Variants in TTF1 observed in about 807,000 individuals in gnomAD.
TTF1 encodes transcription termination factor 1, also known as transcription termination factor, RNA polymerase I.
In TTF1, 64 loss-of-function variants were observed where a neutral mutation model predicts 80.2. The observed-to-expected ratio is 0.80, with a 90% CI of 0.65 to 0.98. The LOEUF (loss-of-function observed/expected upper bound fraction) is 0.98. Ranked by LOEUF, TTF1 falls within the 50% of genes least tolerant of loss-of-function variation. The pLI, the probability that TTF1 is intolerant of heterozygous loss-of-function variation, is 0.00. For missense variants in TTF1, 1,023 were observed against 1,086.2 expected (o/e 0.94, Z 0.82); for synonymous variants, 372 against 382.7 (o/e 0.97, Z 0.33).
chr9:132,402,568 T>C lies in TTF1; in HGVS notation c.254A>G (p.Lys85Arg), dbSNP rs376860857. Residue 85 changes from lysine (K) to arginine (R), a missense_variant, in exon 2 of 11, where the codon AAG (lysine) becomes AGG (arginine). By Grantham distance (26) the Lys-to-Arg change is conservative. Coordinates refer to ENST00000334270, the MANE Select transcript of TTF1 (RefSeq NM_007344.4). ...AGCACTATATCTTCTCTTTTTTCTC[T>C]TTTTGAGTGTGGAAGTGGCATTTGC... ...ETANATSTLK[K>R]RKKRRYSALE... 4 of 1,614,208 alleles carry C rather than the reference T, an allele frequency of 2.5e-6. No homozygotes were observed. The highest frequency in any genetic ancestry group is 1.3e-5 in the African/African-American group (1 of 75,054).
At chr9:132,393,883 G>T (rs1849601843) in intron 5 of TTF1, among the ~76,000 whole-genome samples, 1 of 151,724 alleles carries the variant, frequency 6.6e-6, no homozygotes, top group Admixed American at 6.6e-5. Context: ...AGGAATGGTG[G>T]TTTATGTCAT....
chr9:132,380,752 T>C (rs1849358005), intron 9 of TTF1, among the ~76,000 whole-genome samples: 1 of 152,236 alleles, frequency 6.6e-6, no homozygotes, highest in Non-Finnish European at 1.5e-5. Flanking sequence ...ATTTTTACCA[T>C]TTTGTTATTA....
At position 132,387,060 on chromosome 9, in the gene TTF1, C is replaced by A. The variant is rs542705503; in HGVS notation, c.2313-439G>T. On this transcript the variant is annotated intron_variant, in intron 8 of 10. Coordinates refer to ENST00000334270, the MANE Select transcript of TTF1 (RefSeq NM_007344.4). ...GCAGCCTCGACCACCTGGACTCAGG[C>A]AACTCTCCCACCTCAGCCTCTCAAG... Among the ~76,000 whole-genome samples, 42 of 152,254 alleles carry A rather than the reference C, an allele frequency of 2.8e-4. No individual in the cohort carries two copies. In the South Asian group the frequency reaches 8.7e-3, roughly 32 times the overall value.
intron 3 of TTF1, among the ~76,000 whole-genome samples, chr9:132,398,868 G>A (rs1849705421): frequency 6.6e-6 from 1 of 152,186 alleles, no homozygotes; most frequent in African/African-American, 2.4e-5. Flanking sequence ...GGGATTACAG[G>A]TGTGAGCCAC....
In TTF1 at chr9:132,375,910, T is replaced by C. The variant is rs1412437762; in HGVS notation, c.*5A>G. 2.6e-6 allele frequency: 4 copies of C among 1,543,758 alleles called. No individual in the cohort carries two copies. In the African/African-American group the frequency reaches 5.4e-5, roughly 21 times the overall value. On this transcript the variant is annotated 3_prime_UTR_variant, in exon 11 of 11. Coordinates refer to ENST00000334270, the MANE Select transcript of TTF1 (RefSeq NM_007344.4). The stretch of plus-strand genomic sequence containing the variant: ...GTTGGTCAGGCCGGTCTCGAACTCC[T>C]GACCTCAGATGATCCACCGGCCTTG...
In TTF1 at chr9:132,402,255, C is replaced by T; in HGVS notation, c.567G>A (p.Gln189=). The T allele has an allele frequency of 6.2e-7, 1 of 1,614,180 alleles. No individual in the cohort carries two copies. Among genetic ancestry groups the T allele is most frequent in the Non-Finnish European group, 8.5e-7 (1 of 1,180,030 alleles). ...AGGACTCCTCCTGGTGGGATTCTGACTGAGGCAGGGTGTCCCTTGCCCGCT... is the reference window on the plus strand; with the variant it reads ...AGGACTCCTCCTGGTGGGATTCTGATTGAGGCAGGGTGTCCCTTGCCCGCT... ...ESQRARDTLP[Q]SESHQEESWL... The change falls in exon 2 of 11, where the codon CAG becomes CAA. Residue 189 remains glutamine (Q), a synonymous_variant. Transcript: ENST00000334270.
At chr9:132,395,900 T>A (rs973306643) in intron 5 of TTF1, among the ~76,000 whole-genome samples, 18 of 152,232 alleles carry the variant, frequency 1.2e-4, no homozygotes, top group African/African-American at 2.2e-4. Context: ...GGTTTGTTTT[T>A]AAATGTGTTG....
chr9:132,377,510 GGTGTGAGTGCATGCATGTA>G lies in TTF1; in HGVS notation c.2465-1361_2465-1343del, dbSNP rs1179241857. On this transcript the variant is annotated intron_variant, in intron 10 of 10. Transcript: ENST00000334270. Reference sequence around the variant, plus strand: ...GTGGTGTGTGTGAGTGCATGCATGTGGTGTGAGTGCATGCATGTAGTGTGAGTGCATGTGGTGTGTGTGT... The same window carrying G: ...GTGGTGTGTGTGAGTGCATGCATGTGGTGTGAGTGCATGTGGTGTGTGTGT... Among the ~76,000 whole-genome samples the G allele has an allele frequency of 5.1e-3, 569 of 112,532 alleles. 20 individuals are homozygous for G. The highest frequency in any genetic ancestry group is 0.019 in the African/African-American group (531 of 28,614). 73.8% of individuals were successfully genotyped at this position (112,532 alleles called of 152,430 possible). A position where few individuals can be genotyped will look rare whatever the true frequency, so the allele number is the denominator to read the frequency against.
In TTF1 at chr9:132,384,845, G is replaced by A. The variant is rs777802994; in HGVS notation, c.2378+1711C>T. Among the ~76,000 whole-genome samples, 11 of 152,172 alleles carry A rather than the reference G, an allele frequency of 7.2e-5. No homozygotes were observed. In the East Asian group the frequency reaches 1.2e-3, roughly 16 times the overall value. ...CTAATTTTTGTATTTTTGTAGAGAC[G>A]GAGTTGAACCATGTTGGCCAGGCTG... On this transcript the variant is annotated intron_variant, in intron 9 of 10. Transcript: ENST00000334270. The surrounding 1 kb of genome is among the most constrained non-coding windows in gnomAD (Gnocchi z 4.1).
In TTF1 at chr9:132,390,595, A is replaced by G. The variant is rs754096167; in HGVS notation, c.2222+2T>C. On this transcript the variant is annotated splice_donor_variant, in intron 7 of 10. Transcript: ENST00000334270. LOFTEE classifies it high-confidence loss of function. ...CAGAGAAAGAGAGAGGGAAGAACTTACCACTTACTTTTACACTGCATCCAA... is the reference window on the plus strand; with the variant it reads ...CAGAGAAAGAGAGAGGGAAGAACTTGCCACTTACTTTTACACTGCATCCAA... The G allele has an allele frequency of 6.8e-6, 11 of 1,613,118 alleles. No individual in the cohort carries two copies. The highest frequency in any genetic ancestry group is 9.3e-6 in the Non-Finnish European group (11 of 1,179,198).
intron 5 of TTF1, among the ~76,000 whole-genome samples, chr9:132,392,590 G>A (rs1452959987): frequency 2.0e-5 from 2 of 100,046 alleles, no homozygotes; most frequent in Non-Finnish European, 1.9e-5. Context: ...TGAAGTCCCC[G>A]TTGATTGCTC....
rs1017711670 is a variant in TTF1, at chr9:132,384,715, G to C, written c.2378+1841C>G. ...TCTGTTGCCCAGGCTGGAGTGCAAT[G>C]GCATGATCTCGGCTTACTGCAACCT... is the stretch of plus-strand genomic sequence containing the variant. On this transcript the variant is annotated intron_variant, in intron 9 of 10. Coordinates refer to ENST00000334270, the MANE Select transcript of TTF1 (RefSeq NM_007344.4). The surrounding 1 kb of genome is among the most constrained non-coding windows in gnomAD (Gnocchi z 4.1). Among the ~76,000 whole-genome samples the C allele has an allele frequency of 6.6e-6, 1 of 152,156 alleles. No individual in the cohort carries two copies. Among genetic ancestry groups the C allele is most frequent in the African/African-American group, 2.4e-5 (1 of 41,438 alleles).
Position 132,377,318 on chromosome 9 carries a change from GGT to G in TTF1, c.2465-1152_2465-1151del, listed in dbSNP as rs200984680. Among the ~76,000 whole-genome samples the G allele has an allele frequency of 1.8e-3, 249 of 140,078 alleles. 2 individuals carry two copies. Among genetic ancestry groups the G allele is most frequent in the African/African-American group, 5.2e-3 (193 of 37,340 alleles). 91.9% of individuals were successfully genotyped at this position (140,078 alleles called of 152,430 possible). The stretch of plus-strand genomic sequence containing the variant: ...GAATGCATGTGGTGTGAGTGCATGT[GGT>G]GTGTGTGTGAATGCATGTGGTGTGA... On this transcript the variant is annotated intron_variant, in intron 10 of 10. Coordinates refer to ENST00000334270, the MANE Select transcript of TTF1 (RefSeq NM_007344.4).
At chr9:132,389,486 TCTTC>T (rs1218088677) in intron 7 of TTF1, among the ~76,000 whole-genome samples, 1 of 152,130 alleles carries the variant, frequency 6.6e-6, no homozygotes, top group Admixed American at 6.6e-5. Flanking sequence ...CGGCCCTCAC[TCTTC>T]CTTCTTTTAG....
chr9:132,376,935 A>G lies in TTF1; in HGVS notation c.2465-767T>C, dbSNP rs185156410. Among the ~76,000 whole-genome samples, 117 of 152,080 alleles carry G rather than the reference A, an allele frequency of 7.7e-4. 1 individual carries two copies. In the East Asian group the frequency reaches 0.021, roughly 27 times the overall value. ...GATGGTCTTGAACTCCTCGTCTTAC[A>G]AAGTGTTGGGATTACACACATAAGC... On this transcript the variant is annotated intron_variant, in intron 10 of 10. Transcript: ENST00000334270.
chr9:132,395,861 G>A (rs1255912603), intron 5 of TTF1, among the ~76,000 whole-genome samples: 4 of 152,158 alleles, frequency 2.6e-5, no homozygotes, highest in Admixed American at 6.6e-5. Context: ...GAGTGCTAAC[G>A]TGCTAACCCA....
At chr9:132,388,834 T>C (rs575297541) in intron 7 of TTF1, among the ~76,000 whole-genome samples, 1 of 152,342 alleles carries the variant, frequency 6.6e-6, no homozygotes, top group Non-Finnish European at 1.5e-5. Context: ...ATTTTAAAAG[T>C]ACTTATCTTG....
At chr9:132,377,859 GGTGTGAGTGCATGCATGTGGTGT>G (rs1849252577) in intron 10 of TTF1, among the ~76,000 whole-genome samples, 2 of 139,184 alleles carry the variant, frequency 1.4e-5, no homozygotes, top group African/African-American at 5.6e-5. Context: ...GAATGCATGT[GGTGTGAGTGCATGCATGTGGTGT>G]GTGTGAGTGC....
At position 132,402,773 on chromosome 9, in the gene TTF1, T is replaced by G. The variant is rs187947547; in HGVS notation, c.49A>C (p.Lys17Gln). 15 of 1,600,580 alleles carry G rather than the reference T, an allele frequency of 9.4e-6. No homozygotes were observed. The highest frequency in any genetic ancestry group is 2.5e-6 in the Non-Finnish European group (3 of 1,176,668). Residue 17 changes from lysine to glutamine, a missense_variant, in exon 2 of 11, where the codon AAG (lysine) becomes CAG (glutamine). Physicochemically the swap from Lys to Gln is moderately conservative, Grantham distance 53 (BLOSUM62 1). Coordinates refer to ENST00000334270, the MANE Select transcript of TTF1 (RefSeq NM_007344.4). The stretch of plus-strand genomic sequence containing the variant: ...TGTATAGAACACTTTTTCTTTTTCT[T>G]GTCAGAAACTGGAGTGTGGATTTCA... ...RFEIHTPVSDKKKKKCSIHKE... is the reference protein window; with the variant it reads ...RFEIHTPVSDQKKKKCSIHKE...
Sources: gnomAD v4.1 joint callset for allele counts (sites outside exome capture counted in the v4.1 genomes callset) on GRCh38, gnomAD v4.1.1 for gene constraint, Gnocchi (gnomAD v3.1) non-coding constraint, MANE v1.5 for transcripts, NCBI Gene and HGNC (gene_info 2026-07-23, HGNC 2026-07-21) for gene names.